The following MTCL3 variants were observed in gnomAD, a reference collection of about 807,000 sequenced individuals.
MTCL3 encodes MTCL family member 3, also known as microtubule cross-linking factor 3.
the MTCL3 span, among the ~76,000 whole-genome samples, chr6:127,494,967 T>C: frequency 6.6e-6 from 1 of 151,816 alleles, no homozygotes; most frequent in Non-Finnish European, 1.5e-5. Flanking sequence ...GGAGGCCGAG[T>C]CGGGCAGACC....
At chr6:127,508,174 G>A in the MTCL3 span, among the ~76,000 whole-genome samples, 1 of 152,152 alleles carries the variant, frequency 6.6e-6, no homozygotes, top group Non-Finnish European at 1.5e-5. Context: ...CTCTTGGAAT[G>A]CTTCTTCGCT....
the MTCL3 span, among the ~76,000 whole-genome samples, chr6:127,494,142 G>A: frequency 1.3e-5 from 2 of 152,114 alleles, no homozygotes; most frequent in African/African-American, 2.4e-5. Flanking sequence ...GAACATATCT[G>A]CCCTTTTCCT....
At chr6:127,502,682 T>C in the MTCL3 span, among the ~76,000 whole-genome samples, 5 of 152,346 alleles carry the variant, frequency 3.3e-5, no homozygotes, top group South Asian at 1.0e-3. Context: ...AGGAATTGTC[T>C]TTATTAGCTA....
chr6:127,505,498 C>T, the MTCL3 span, among the ~76,000 whole-genome samples: 1 of 152,124 alleles, frequency 6.6e-6, no homozygotes, highest in Admixed American at 6.5e-5. Context: ...AGGGGAACAA[C>T]ACTCATTGGG....
the MTCL3 span, among the ~76,000 whole-genome samples, chr6:127,484,911 A>G: frequency 2.0e-5 from 3 of 152,228 alleles, no homozygotes; most frequent in Non-Finnish European, 4.4e-5. Flanking sequence ...AATTATCAAA[A>G]GCATCAGTTA....
At chr6:127,514,447 T>A in the MTCL3 span, among the ~76,000 whole-genome samples, 1 of 152,250 alleles carries the variant, frequency 6.6e-6, no homozygotes, top group Non-Finnish European at 1.5e-5. Flanking sequence ...AGCTCCTGAC[T>A]GCCCGATTCC....
chr6:127,516,016 C>A, the MTCL3 span: 5 of 1,587,684 alleles, frequency 3.1e-6, no homozygotes, highest in African/African-American at 2.7e-5. Flanking sequence ...AGCGCGTACG[C>A]CTTTCCCTCG....
At chr6:127,516,151 G>T in the MTCL3 span, 1 of 1,445,368 alleles carries the variant, frequency 6.9e-7, no homozygotes. Context: ...CCCGAGTTTC[G>T]AGGGCACGGA....
At chr6:127,483,306 T>C in the MTCL3 span, among the ~76,000 whole-genome samples, 13 of 152,236 alleles carry the variant, frequency 8.5e-5, no homozygotes, top group Non-Finnish European at 1.8e-4. Context: ...TGTAAACAAA[T>C]GCTTGTTAGC....
the MTCL3 span, among the ~76,000 whole-genome samples, chr6:127,501,352 C>A: frequency 6.6e-6 from 1 of 152,176 alleles, no homozygotes; most frequent in African/African-American, 2.4e-5. Flanking sequence ...TAAATACACA[C>A]AGTTGGATCA....
At chr6:127,475,556 G>T in the MTCL3 span, 1 of 1,610,878 alleles carries the variant, frequency 6.2e-7, no homozygotes, top group Admixed American at 1.7e-5. This position sits in a 1 kb window ranked among gnomAD's most constrained non-coding sequence, Gnocchi z 7.3. Flanking sequence ...TTGCCCAGGC[G>T]CTCGGCCTCC....
At chr6:127,502,103 T>C in the MTCL3 span, among the ~76,000 whole-genome samples, 2 of 152,250 alleles carry the variant, frequency 1.3e-5, no homozygotes, top group Admixed American at 6.5e-5. Flanking sequence ...CAAACATTTA[T>C]TGATATTTTT....
At chr6:127,473,061 A>C in the MTCL3 span, 2 of 1,102,652 alleles carry the variant, frequency 1.8e-6, no homozygotes, top group East Asian at 5.3e-5. Context: ...TCATACAGAA[A>C]AATGTCACAC....
chr6:127,475,246 CG>C, the MTCL3 span: 1 of 1,529,884 alleles, frequency 6.5e-7, no homozygotes, highest in Non-Finnish European at 8.8e-7. This position sits in a 1 kb window ranked among gnomAD's most constrained non-coding sequence, Gnocchi z 7.3. Context: ...CGCGGCTCCA[CG>C]GGCCAGCCTG....
At chr6:127,516,319 C>G in the MTCL3 span, 12 of 1,591,990 alleles carry the variant, frequency 7.5e-6, no homozygotes, top group Admixed American at 1.2e-4. Flanking sequence ...GGCCCCACCT[C>G]CGCCTCCTCG....
At chr6:127,515,719 A>G in the MTCL3 span, 1 of 1,584,474 alleles carries the variant, frequency 6.3e-7, no homozygotes. This position sits in a 1 kb window ranked among gnomAD's most constrained non-coding sequence, Gnocchi z 4.3. Flanking sequence ...GGTCTCGCAA[A>G]CGGCAGGGGG....
At chr6:127,476,104 G>T in the MTCL3 span, 1 of 1,614,120 alleles carries the variant, frequency 6.2e-7, no homozygotes, top group South Asian at 1.1e-5. The surrounding 1 kb of genome is among the most constrained non-coding windows in gnomAD (Gnocchi z 4.4). Flanking sequence ...CTCCGACAGG[G>T]ATTCGCTCTG....
the MTCL3 span, chr6:127,516,806 T>A: frequency 2.1e-5 from 20 of 967,452 alleles, no homozygotes; most frequent in South Asian, 3.4e-4. Context: ...AAGCTTTGAC[T>A]TTAGGAATAG....
At chr6:127,514,673 G>T in the MTCL3 span, 1 of 646,894 alleles carries the variant, frequency 1.5e-6, no homozygotes, top group South Asian at 2.0e-5. Context: ...TCCCTTCTGA[G>T]ACCCTAGTAT....
Sources: gnomAD v4.1 joint callset for allele counts (sites outside exome capture counted in the v4.1 genomes callset) on GRCh38, gnomAD v4.1.1 for gene constraint, Gnocchi (gnomAD v3.1) non-coding constraint, MANE v1.5 for transcripts, NCBI Gene and HGNC (gene_info 2026-07-23, HGNC 2026-07-21) for gene names.